C11orf65: variants seen among roughly 807,000 people sequenced by gnomAD.
C11orf65 encodes protein MFI.
C11orf65 carries 38 observed loss-of-function variants against 35.3 expected under a neutral mutation model. The observed-to-expected ratio is 1.08, with a 90% CI of 0.83 to 1.41. The LOEUF (loss-of-function observed/expected upper bound fraction) is 1.41, where lower values mean the gene tolerates loss of function less well. Among genes scored for constraint, C11orf65 ranks in the 40% most tolerant of loss-of-function variants. The probability of loss-of-function intolerance (pLI) is 0.00; values close to 1 mark genes in which losing one functional copy is unlikely to be tolerated. For synonymous variants in C11orf65, 105 were observed against 114.4 expected (o/e 0.92, Z 0.53); for missense variants, 370 against 367.1 (o/e 1.01, Z -0.06).
chr11:108,366,714 A>G, intron 2 of C11orf65: 1 of 231,276 alleles, frequency 4.3e-6, no homozygotes, highest in African/African-American at 2.2e-5. Context: ...TTCCCAGGCC[A>G]AGGCAAACAC....
At chr11:108,448,111 A>G (rs983174149) in intron 2 of C11orf65, among the ~76,000 whole-genome samples, 1 of 152,202 alleles carries the variant, frequency 6.6e-6, no homozygotes, top group African/African-American at 2.4e-5. Context: ...GAATAGACCA[A>G]TAACAGGATC....
At chr11:108,318,234 C>T (rs890533353) in intron 6 of C11orf65, among the ~76,000 whole-genome samples, 4 of 151,804 alleles carry the variant, frequency 2.6e-5, no homozygotes, top group East Asian at 1.9e-4. Context: ...TGGCAGCATG[C>T]GCCTGTAGTC....
rs770850205 is a variant in C11orf65 at position 108,332,914 on chromosome 11, A to T, written c.300-1347T>A. On this transcript the variant is annotated intron_variant, in intron 3 of 3. Coordinates refer to the C11orf65 transcript ENST00000524755. ...AGACTCAGAGAAGTATGTTTTTTTT[A>T]AAGAAGAAACGTTACTTTCTTGCTG... The T allele has an allele frequency of 3.1e-6, 5 of 1,607,220 alleles. 1 individual carries two copies. In the South Asian group the frequency reaches 4.4e-5, roughly 14 times the overall value.
chr11:108,459,736 C>T (rs2093449489), intron 2 of C11orf65, among the ~76,000 whole-genome samples: 3 of 145,582 alleles, frequency 2.1e-5, no homozygotes, highest in African/African-American at 7.4e-5. Flanking sequence ...TACACACACA[C>T]ACACACACAC....
chr11:108,312,382 A>C (rs1201822302), intron 6 of C11orf65: 14 of 1,500,466 alleles, frequency 9.3e-6, no homozygotes, highest in Middle Eastern at 1.7e-4. Context: ...GTATGTTCTC[A>C]TTAAAAGAGG....
intron 6 of C11orf65, among the ~76,000 whole-genome samples, chr11:108,324,065 A>G (rs200914406): frequency 7.3e-6 from 1 of 136,986 alleles, no homozygotes; most frequent in African/African-American, 2.7e-5. Flanking sequence ...TGAAAAAAAA[A>G]TTTTAAAGAA....
chr11:108,333,263 C>G lies in C11orf65; in HGVS notation c.300-1696G>C, dbSNP rs187575229. ...TGTGGTTACTAAAACTGCCCTGGGA[C>G]TTAAAAACAAAAAAAGGCTTTACCA... is the stretch of plus-strand genomic sequence containing the variant. On this transcript the variant is annotated intron_variant, in intron 3 of 3. Coordinates refer to the C11orf65 transcript ENST00000524755. 2.1e-3 allele frequency among the ~76,000 whole-genome samples: 316 copies of G among 152,030 alleles called. 1 individual carries two copies. Among genetic ancestry groups the G allele is most frequent in the African/African-American group, 7.1e-3 (294 of 41,510 alleles).
intron 2 of C11orf65, among the ~76,000 whole-genome samples, chr11:108,372,950 C>A (rs1276774808): frequency 6.6e-6 from 1 of 152,004 alleles, no homozygotes; most frequent in Non-Finnish European, 1.5e-5. Context: ...TGTAGTGGCA[C>A]ATGCTTGTAA....
In C11orf65 at chr11:108,361,765, AT is replaced by A. The variant is rs2090790383; in HGVS notation, c.227-26474del. ...GCCATATGGAGAAAGCTGAAACTGG[AT>A]CCCTTCCTTACACCTGATACAAAAA... On this transcript the variant is annotated intron_variant, in intron 2 of 3. Coordinates refer to the C11orf65 transcript ENST00000524755. Among the ~76,000 whole-genome samples the A allele has an allele frequency of 3.3e-5, 5 of 152,132 alleles. No homozygotes were observed. In the South Asian group the frequency reaches 1.0e-3, roughly 32 times the overall value.
intron 2 of C11orf65, chr11:108,366,911 C>G (rs887323069): frequency 2.2e-5 from 5 of 225,632 alleles, no homozygotes; most frequent in African/African-American, 8.9e-5. Context: ...AGCTAAAAGC[C>G]GTGGGTTAAT....
chr11:108,339,366 A>G (rs1431084570), intron 2 of C11orf65, among the ~76,000 whole-genome samples: 2 of 152,202 alleles, frequency 1.3e-5, no homozygotes, highest in African/African-American at 4.8e-5. Context: ...CTTGTCATGC[A>G]TATTTCAGAG....
At chr11:108,465,009 A>C (rs1033210097) in intron 1 of C11orf65, among the ~76,000 whole-genome samples, 2 of 152,242 alleles carry the variant, frequency 1.3e-5, no homozygotes, top group Non-Finnish European at 2.9e-5. Flanking sequence ...TATTAGGATT[A>C]AAATGGGTCT....
At chr11:108,348,741 T>C (rs2088807896) in intron 2 of C11orf65, among the ~76,000 whole-genome samples, 1 of 152,170 alleles carries the variant, frequency 6.6e-6, no homozygotes, top group African/African-American at 2.4e-5. Context: ...GAAAATAATA[T>C]ATTGAGAGGA....
chr11:108,315,962 G>C (rs1317817352), intron 6 of C11orf65: 2 of 1,607,902 alleles, frequency 1.2e-6, no homozygotes, highest in Non-Finnish European at 1.7e-6. Flanking sequence ...TTATGAAGGA[G>C]TTATGTGTGT....
At chr11:108,361,587 T>A (rs986756611) in intron 2 of C11orf65, among the ~76,000 whole-genome samples, 1 of 151,906 alleles carries the variant, frequency 6.6e-6, no homozygotes, top group Non-Finnish European at 1.5e-5. Flanking sequence ...ATGGTACTGG[T>A]ACCAAAACAG....
downstream of C11orf65, chr11:108,327,457 G>A (rs2085784978): frequency 1.8e-6 from 1 of 555,970 alleles, no homozygotes; most frequent in African/African-American, 1.9e-5. Context: ...ATAATAAACA[G>A]AGGATGATCA....
At chr11:108,347,482 A>G (rs1371218136) in intron 2 of C11orf65, 3 of 882,798 alleles carry the variant, frequency 3.4e-6, no homozygotes, top group Non-Finnish European at 5.3e-6. Context: ...AGCAGTAAAT[A>G]TTGGGTTTTT....
chr11:108,432,813 G>C (rs1591542621), intron 2 of C11orf65, among the ~76,000 whole-genome samples: 1 of 152,138 alleles, frequency 6.6e-6, no homozygotes, highest in East Asian at 1.9e-4. Context: ...TGAGTATCAA[G>C]AAATACTTAT....
chr11:108,378,162 C>T (rs564827822), downstream of C11orf65, among the ~76,000 whole-genome samples: 87 of 152,264 alleles, frequency 5.7e-4, 1 homozygote, highest in African/African-American at 1.5e-3. Context: ...AAAAAGGGCC[C>T]GCATCGGCAA....
Sources: gnomAD v4.1 joint callset for allele counts (sites outside exome capture counted in the v4.1 genomes callset) on GRCh38, gnomAD v4.1.1 for gene constraint, MANE v1.5 for transcripts, NCBI Gene and HGNC (gene_info 2026-07-23, HGNC 2026-07-21) for gene names.